MAGEA11: variants seen among roughly 807,000 people sequenced by gnomAD.
MAGEA11 encodes MAGE family member A11.
In MAGEA11, 1 loss-of-function variant was observed where a neutral mutation model predicts 8.4. The observed-to-expected ratio is 0.12, with a 90% CI of 0.04 to 0.57. The LOEUF (loss-of-function observed/expected upper bound fraction) is 0.57, where lower values mean the gene tolerates loss of function less well. MAGEA11 is among the 20% of genes least tolerant of loss of function. The pLI is 0.91. For synonymous variants in MAGEA11, 127 were observed against 119.3 expected (o/e 1.06, Z -0.42); for missense variants, 209 against 317.3 (o/e 0.66, Z 2.59).
chrX:149,710,106 A>G (rs1439590086), upstream of MAGEA11, among the ~76,000 whole-genome samples: 1 of 112,286 alleles, frequency 8.9e-6, no homozygotes, highest in African/African-American at 3.2e-5. Flanking sequence ...AAAATAGCGA[A>G]CAGAAGATCA....
intron 1 of MAGEA11, chrX:149,689,011 G>A (rs2090299628): frequency 2.9e-6 from 3 of 1,023,679 alleles, no homozygotes; most frequent in Non-Finnish European, 3.9e-6. Flanking sequence ...CTGCAAGGAG[G>A]GGTAAGCTGG....
upstream of MAGEA11, chrX:149,688,707 T>G (rs972045678): frequency 3.8e-4 from 85 of 223,339 alleles, no homozygotes; most frequent in Non-Finnish European, 6.5e-4. Flanking sequence ...CATATACATA[T>G]ACACATACAC....
At chrX:149,704,607 C>G (rs1557361267) in intron 1 of MAGEA11, among the ~76,000 whole-genome samples, 1 of 111,809 alleles carries the variant, frequency 8.9e-6, no homozygotes, top group African/African-American at 3.2e-5. Context: ...GCCAGGAAGT[C>G]CAGCCTCCAG....
At chrX:149,713,030 A>AG in intron 1 of MAGEA11, 113 bp from the exon 2 acceptor site, 1 of 486,522 alleles carries the variant, frequency 2.1e-6, no homozygotes, top group Non-Finnish European at 3.6e-6. Flanking sequence ...GACAGGGCTC[A>AG]GTCCCTGCTG....
chrX:149,704,364 T>C (rs112203229), intron 1 of MAGEA11, among the ~76,000 whole-genome samples: 2,490 of 112,448 alleles, frequency 0.022, 46 homozygotes, highest in African/African-American at 0.067. Flanking sequence ...GGAATGCAGA[T>C]GAGGTGAAGA....
At chrX:149,700,835 G>A (rs1202051022) in intron 1 of MAGEA11, among the ~76,000 whole-genome samples, 21 of 103,869 alleles carry the variant, frequency 2.0e-4, no homozygotes, top group African/African-American at 5.7e-4. Context: ...TTGTTCTTGC[G>A]ATAGTTTACT....
chrX:149,695,871 G>A (rs181955362), intron 1 of MAGEA11, among the ~76,000 whole-genome samples: 16 of 111,788 alleles, frequency 1.4e-4, no homozygotes, highest in East Asian at 8.4e-4. Context: ...TTTTGTTGGC[G>A]GAAGATTCTG....
intron 1 of MAGEA11, among the ~76,000 whole-genome samples, chrX:149,692,464 G>A (rs2090314461): frequency 9.0e-6 from 1 of 111,035 alleles, no homozygotes; most frequent in Non-Finnish European, 1.9e-5. Flanking sequence ...TTGTTTGGTG[G>A]TTTCTGATTG....
intron 1 of MAGEA11, among the ~76,000 whole-genome samples, chrX:149,702,763 A>G (rs1288500760): frequency 9.0e-6 from 1 of 111,403 alleles, no homozygotes; most frequent in Non-Finnish European, 1.9e-5. Context: ...TATATTTTCA[A>G]TGCTACCTTC....
At chrX:149,697,426 G>A (rs1247085850) in intron 1 of MAGEA11, among the ~76,000 whole-genome samples, 1 of 111,071 alleles carries the variant, frequency 9.0e-6, no homozygotes, top group Non-Finnish European at 1.9e-5. Flanking sequence ...CCAGGCCAGC[G>A]GCAGCCCCAT....
intron 1 of MAGEA11, among the ~76,000 whole-genome samples, chrX:149,703,735 C>G (rs1442939626): frequency 8.9e-6 from 1 of 111,992 alleles, no homozygotes; most frequent in Non-Finnish European, 1.9e-5. Flanking sequence ...ACATGTGGAT[C>G]ATAAGACATA....
chrX:149,696,998 T>C (rs1301451610), intron 1 of MAGEA11, among the ~76,000 whole-genome samples: 1 of 111,808 alleles, frequency 8.9e-6, no homozygotes, highest in African/African-American at 3.3e-5. Context: ...CACTATCTTG[T>C]TGTCCTCTAC....
At position 149,693,572 on chromosome X, in the gene MAGEA11, A is replaced by T. The variant is rs1002258725; in HGVS notation, c.9+4588A>T. Reference sequence around the variant, plus strand: ...GTGTTGTCAGTTTGCTTTCTTTTTTAAAAAAATACATGTACCATAAATTTA... The same window carrying T: ...GTGTTGTCAGTTTGCTTTCTTTTTTTAAAAAATACATGTACCATAAATTTA... On this transcript the variant is annotated intron_variant, in intron 1 of 3. Transcript: ENST00000333104. Among the ~76,000 whole-genome samples the T allele has an allele frequency of 3.6e-5, 4 of 111,877 alleles. No individual in the cohort carries two copies. In the South Asian group the frequency reaches 1.5e-3, roughly 42 times the overall value.
intron 1 of MAGEA11, among the ~76,000 whole-genome samples, chrX:149,705,376 C>G (rs1025284977): frequency 8.9e-6 from 1 of 112,071 alleles, no homozygotes; most frequent in African/African-American, 3.2e-5. Flanking sequence ...TGCACAAGCT[C>G]TCTTTGCCTG....
Position 149,702,746 on chromosome X carries a change from C to A in MAGEA11, c.10-11735C>A, listed in dbSNP as rs185448654. ...CTCTTTATATTACATATGTATTTTTCCTTCTTTATATTTTCAATGCTACCT... is the reference window on the plus strand; with the variant it reads ...CTCTTTATATTACATATGTATTTTTACTTCTTTATATTTTCAATGCTACCT... On this transcript the variant is annotated intron_variant, in intron 1 of 3. Coordinates refer to the MAGEA11 transcript ENST00000333104. 9.9e-5 allele frequency among the ~76,000 whole-genome samples: 11 copies of A among 110,737 alleles called. No homozygotes were observed. In the East Asian group the frequency reaches 3.1e-3, roughly 31 times the overall value.
chrX:149,715,657 G>A lies in MAGEA11; in HGVS notation c.246G>A (p.Arg82=). The change falls in exon 4 of 5, where the codon AGG becomes AGA. Residue 82 remains arginine, a synonymous_variant. Coordinates refer to ENST00000355220, the MANE Select transcript of MAGEA11 (RefSeq NM_005366.5). ...LEDRSPRRTQ[R]ITGGEQVLWG... ...ACAGGAGTCCCAGGAGAACCCAGAG[G>A]ATCACTGGAGGAGAACAAGTGTAAG... 8.3e-7 allele frequency: 1 copy of A among 1,207,286 alleles called. No individual in the cohort carries two copies. Among genetic ancestry groups the A allele is most frequent in the Non-Finnish European group, 1.1e-6 (1 of 891,652 alleles).
chrX:149,710,139 G>T (rs1352642907), upstream of MAGEA11, among the ~76,000 whole-genome samples: 2 of 111,853 alleles, frequency 1.8e-5, no homozygotes, highest in Non-Finnish European at 3.8e-5. Context: ...CAAAAGATTT[G>T]CAAAACAGAC....
chrX:149,710,049 C>A (rs1337471751), upstream of MAGEA11, among the ~76,000 whole-genome samples: 1 of 111,084 alleles, frequency 9.0e-6, no homozygotes, highest in Non-Finnish European at 1.9e-5. Flanking sequence ...CTAGAAAATT[C>A]AAAAAAATGC....
chrX:149,700,096 T>G (rs1251941601), intron 1 of MAGEA11, among the ~76,000 whole-genome samples: 1 of 112,620 alleles, frequency 8.9e-6, no homozygotes, highest in Non-Finnish European at 1.9e-5. Context: ...CCCTGACATG[T>G]AGGGATTACA....
Sources: allele counts gnomAD v4.1 joint callset (sites outside exome capture counted in the v4.1 genomes callset), GRCh38; gene constraint gnomAD v4.1.1; transcripts MANE v1.5; gene names NCBI Gene and HGNC (gene_info 2026-07-23, HGNC 2026-07-21).